The following CNTNAP4 variants were observed in gnomAD, a reference collection of about 807,000 sequenced individuals.
CNTNAP4 encodes the protein contactin associated protein family member 4, also known as contactin-associated protein-like 4.
In CNTNAP4, 98 loss-of-function variants were observed where a neutral mutation model predicts 148.4. The observed-to-expected ratio is 0.66, with a 90% CI of 0.56 to 0.78. The LOEUF (loss-of-function observed/expected upper bound fraction) is 0.78, where lower values mean the gene tolerates loss of function less well. Ranked by LOEUF, CNTNAP4 falls within the 30% of genes least tolerant of loss-of-function variation. The pLI, the probability that CNTNAP4 is intolerant of heterozygous loss-of-function variation, is 0.00. For missense variants in CNTNAP4, 1,935 were observed against 1,565.6 expected, an observed-to-expected ratio of 1.24 and a Z score of -3.98; for synonymous variants, 730 against 565.1, an observed-to-expected ratio of 1.29 and a Z score of -4.14.
chr16:76,527,087 A>G (rs987240654), intron 17 of CNTNAP4, among the ~76,000 whole-genome samples: 61 of 152,196 alleles, frequency 4.0e-4, no homozygotes, highest in African/African-American at 1.5e-3. Flanking sequence ...ACCACAAGCC[A>G]TAAGCTTGCC....
chr16:76,360,704 A>G (rs539337642), intron 3 of CNTNAP4, among the ~76,000 whole-genome samples: 19 of 152,264 alleles, frequency 1.2e-4, no homozygotes, highest in African/African-American at 4.6e-4. Context: ...GAAAGTCTAC[A>G]TTATTAGTCT....
intron 2 of CNTNAP4, among the ~76,000 whole-genome samples, chr16:76,353,102 G>C (rs1338233056): frequency 1.3e-5 from 2 of 150,986 alleles, no homozygotes; most frequent in Non-Finnish European, 2.9e-5. Flanking sequence ...AAAATTAAAA[G>C]TCAAAACGCA....
At chr16:76,472,584 T>A (rs996874355) in intron 10 of CNTNAP4, among the ~76,000 whole-genome samples, 8 of 149,824 alleles carry the variant, frequency 5.3e-5, no homozygotes, top group Non-Finnish European at 1.0e-4. Context: ...AAGGACGTGA[T>A]GTCATTCTTT....
chr16:76,340,612 C>T (rs774535925), intron 2 of CNTNAP4, among the ~76,000 whole-genome samples: 6 of 152,154 alleles, frequency 3.9e-5, no homozygotes, highest in African/African-American at 1.4e-4. Flanking sequence ...TTCTCCGATG[C>T]TTTCATGTCT....
At position 76,316,157 on chromosome 16, in the gene CNTNAP4, T is replaced by C. The variant is rs949528279; in HGVS notation, c.86-256T>C. 1.5e-5 allele frequency: 8 copies of C among 544,864 alleles called. No individual in the cohort carries two copies. The Admixed American group carries it at 2.3e-4, about 16-fold the overall frequency. The allele number at this position is 544,864 out of a possible 1,614,324, so 33.8% of individuals were successfully genotyped here. A position where few individuals can be genotyped will look rare whatever the true frequency, so the allele number is the denominator to read the frequency against. The stretch of plus-strand genomic sequence containing the variant: ...TCTTTTATAATGAGGTATAATCTTT[T>C]CTACCTTAAGATATTGTTTTATTAT... On this transcript the variant is annotated intron_variant, in intron 1 of 23. Transcript: ENST00000611870.
intron 3 of CNTNAP4, among the ~76,000 whole-genome samples, chr16:76,394,102 C>G (rs899096811): frequency 3.3e-5 from 5 of 152,128 alleles, no homozygotes; most frequent in Non-Finnish European, 7.3e-5. Context: ...CTGGCTTCTA[C>G]AACATCTGAA....
chr16:76,447,169 G>A, intron 4 of CNTNAP4, among the ~76,000 whole-genome samples: 1 of 151,856 alleles, frequency 6.6e-6, no homozygotes, highest in Non-Finnish European at 1.5e-5. Flanking sequence ...AATTAGCTGA[G>A]CATGGTAGTG....
chr16:76,405,833 TA>T (rs1320949109), intron 3 of CNTNAP4, among the ~76,000 whole-genome samples: 1 of 152,094 alleles, frequency 6.6e-6, no homozygotes, highest in Non-Finnish European at 1.5e-5. Context: ...TTTACATAGC[TA>T]AAGAATATGA....
In CNTNAP4 at chr16:76,538,125, CA is replaced by C; in HGVS notation, c.3006del (p.Tyr1003IlefsTer8). On this transcript the variant is annotated frameshift_variant, in exon 19 of 24. Transcript: ENST00000611870. LOFTEE classifies it high-confidence loss of function. ...ATATATATTATTTCAGAGATTTCTG[CA>C]TATTTTGGATCTGGCTCATCCGTGA... is the stretch of plus-strand genomic sequence containing the variant. The part of the protein sequence containing the change: ...TGPFCSNEIS[A>X]YFGSGSSVIY... The C allele has an allele frequency of 7.0e-7, 1 of 1,425,144 alleles. No individual in the cohort carries two copies. The highest frequency in any genetic ancestry group is 9.3e-7 in the Non-Finnish European group (1 of 1,073,470). 88.3% of individuals were successfully genotyped at this position (1,425,144 alleles called of 1,614,324 possible). A position where few individuals can be genotyped will look rare whatever the true frequency, so the allele number is the denominator to read the frequency against.
At chr16:76,318,583 C>G (rs748995197) in intron 2 of CNTNAP4, among the ~76,000 whole-genome samples, 2 of 151,042 alleles carry the variant, frequency 1.3e-5, no homozygotes, top group Non-Finnish European at 3.0e-5. Context: ...CTTTTTTTCC[C>G]CTGTTAATTA....
intron 10 of CNTNAP4, among the ~76,000 whole-genome samples, chr16:76,472,875 T>C (rs1395216344): frequency 6.6e-6 from 1 of 152,118 alleles, no homozygotes; most frequent in African/African-American, 2.4e-5. Context: ...ACCTGGGTGA[T>C]GAAACAATCT....
chr16:76,510,666 T>C (rs1347752616), intron 15 of CNTNAP4, among the ~76,000 whole-genome samples: 1 of 152,234 alleles, frequency 6.6e-6, no homozygotes, highest in Non-Finnish European at 1.5e-5. Context: ...CTTTTCTAAA[T>C]GTCTTTTTAG....
chr16:76,283,062 T>C (rs1160003290), intron 1 of CNTNAP4, among the ~76,000 whole-genome samples: 1 of 151,914 alleles, frequency 6.6e-6, no homozygotes, highest in East Asian at 1.9e-4. Context: ...TGACTTTCTC[T>C]GAGTGTCAAA....
intron 15 of CNTNAP4, among the ~76,000 whole-genome samples, chr16:76,512,585 C>A (rs541376368): frequency 8.5e-4 from 130 of 152,068 alleles, no homozygotes; most frequent in African/African-American, 3.0e-3. Flanking sequence ...ATATAAAGAG[C>A]CCAGTTTTAG....
chr16:76,536,256 C>T (rs143795189), intron 18 of CNTNAP4, among the ~76,000 whole-genome samples: 3,931 of 152,058 alleles, frequency 0.026, 87 homozygotes, highest in Middle Eastern at 0.044. Context: ...AGTGCAGTGG[C>T]GCAATCTCGG....
chr16:76,327,694 C>G (rs1206699854), intron 2 of CNTNAP4, among the ~76,000 whole-genome samples: 1 of 152,166 alleles, frequency 6.6e-6, no homozygotes, highest in African/African-American at 2.4e-5. Context: ...TGGGAGTCCA[C>G]TGGACTCATT....
chr16:76,279,356 G>C (rs186042531), intron 1 of CNTNAP4, among the ~76,000 whole-genome samples: 88 of 152,310 alleles, frequency 5.8e-4, no homozygotes, highest in African/African-American at 2.0e-3. Flanking sequence ...TATTTGGGCT[G>C]CTAGTTGTTT....
chr16:76,369,307 C>T (rs570142874), intron 3 of CNTNAP4, among the ~76,000 whole-genome samples: 6 of 151,978 alleles, frequency 3.9e-5, no homozygotes, highest in Non-Finnish European at 7.4e-5. Flanking sequence ...TGCATCACAC[C>T]CATGGTATTA....
rs557388033 is a variant in CNTNAP4 at position 76,419,529 on chromosome 16, C to G, written c.391-7923C>G. ...TCTCACTCTCATGCTAGTCTACACT[C>G]AGTTTCCAGAGATTCACCAAAATTA... On this transcript the variant is annotated intron_variant, in intron 3 of 23. Coordinates refer to ENST00000611870, the MANE Select transcript of CNTNAP4 (RefSeq NM_033401.5). 6.6e-5 allele frequency among the ~76,000 whole-genome samples: 10 copies of G among 152,138 alleles called. No homozygotes were observed. The South Asian group carries it at 2.1e-3, about 32-fold the overall frequency.
Sources: gnomAD v4.1 joint callset for allele counts (sites outside exome capture counted in the v4.1 genomes callset) on GRCh38, gnomAD v4.1.1 for gene constraint, MANE v1.5 for transcripts, NCBI Gene and HGNC (gene_info 2026-07-23, HGNC 2026-07-21) for gene names.